The following EVC2 variants were observed in gnomAD, a reference collection of about 807,000 sequenced individuals.
The protein encoded by EVC2 is EvC ciliary complex subunit 2.
EVC2 carries 148 observed loss-of-function variants against 149.3 expected under a neutral mutation model. The ratio of observed to expected loss-of-function variants is 0.99; its 90% CI spans 0.87 to 1.14. The LOEUF (loss-of-function observed/expected upper bound fraction) is 1.14, where lower values mean the gene tolerates loss of function less well. Ranked by LOEUF, EVC2 falls within the 50% of genes most tolerant of loss-of-function variation. The pLI is 0.00. For synonymous variants in EVC2, 776 were observed against 649.9 expected, an observed-to-expected ratio of 1.19 and a Z score of -2.95; for missense variants, 1,854 against 1,627.3, an observed-to-expected ratio of 1.14 and a Z score of -2.40.
intron 1 of EVC2, among the ~76,000 whole-genome samples, chr4:5,699,762 G>A (rs747780745): frequency 2.6e-5 from 4 of 151,936 alleles, no homozygotes; most frequent in Admixed American, 2.6e-4. Context: ...GGTCGAGGCT[G>A]CAGTGAGCTA....
downstream of EVC2, among the ~76,000 whole-genome samples, chr4:5,558,120 A>C (rs1721872085): frequency 6.6e-6 from 1 of 152,220 alleles, no homozygotes. Flanking sequence ...ACAGTACTAA[A>C]GAAAAACAAA....
At chr4:5,591,918 C>G (rs1712840782) in intron 16 of EVC2, among the ~76,000 whole-genome samples, 1 of 152,166 alleles carries the variant, frequency 6.6e-6, no homozygotes, top group African/African-American at 2.4e-5. Context: ...CAACTTCTTA[C>G]TACTTTTCCC....
intron 15 of EVC2, among the ~76,000 whole-genome samples, chr4:5,616,347 T>C (rs1715249701): frequency 1.3e-5 from 2 of 152,192 alleles, no homozygotes; most frequent in African/African-American, 4.8e-5. Context: ...TGCACATCTC[T>C]TTAGAGTTTG....
At position 5,569,726 on chromosome 4, in the gene EVC2, G is replaced by A. The variant is rs1722533933; in HGVS notation, c.3361-1086C>T. 6.6e-6 allele frequency among the ~76,000 whole-genome samples: 1 copy of A among 152,108 alleles called. No individual in the cohort carries two copies. The highest frequency in any genetic ancestry group is 1.5e-5 in the Non-Finnish European group (1 of 68,020). On this transcript the variant is annotated intron_variant, in intron 19 of 21. Transcript: ENST00000344408. This position sits in a 1 kb window ranked among gnomAD's most constrained non-coding sequence, Gnocchi z 4.8. The stretch of plus-strand genomic sequence containing the variant: ...TTCAGAAGGGTGGGCTGGGGGTTCA[G>A]AGACCACAGAGAGGTCAGGAGACAC...
In EVC2 at chr4:5,677,243, G is replaced by A. The variant is rs963612238; in HGVS notation, c.870+4017C>T. Among the ~76,000 whole-genome samples, 2 of 152,150 alleles carry A rather than the reference G, an allele frequency of 1.3e-5. No individual in the cohort carries two copies. Among genetic ancestry groups the A allele is most frequent in the East Asian group, 1.9e-4 (1 of 5,182 alleles). On this transcript the variant is annotated intron_variant, in intron 7 of 21. Coordinates refer to ENST00000344408, the MANE Select transcript of EVC2 (RefSeq NM_147127.5). The surrounding 1 kb of genome is among the most constrained non-coding windows in gnomAD (Gnocchi z 4.3). ...CTCATTTCACAGTTGGGGAAACTGA[G>A]GCCCTCAGAGGTAAGTGACGTGCCC... is the stretch of plus-strand genomic sequence containing the variant.
At position 5,677,298 on chromosome 4, in the gene EVC2, G is replaced by A. The variant is rs1170740826; in HGVS notation, c.870+3962C>T. On this transcript the variant is annotated intron_variant, in intron 7 of 21. Coordinates refer to ENST00000344408, the MANE Select transcript of EVC2 (RefSeq NM_147127.5). This position sits in a 1 kb window ranked among gnomAD's most constrained non-coding sequence, Gnocchi z 4.3. ...TCACATGCAATCAGTGGAGGGACAG[G>A]GATTCAAAGCCAGGCCTTATGGTCC... Among the ~76,000 whole-genome samples, 3 of 152,160 alleles carry A rather than the reference G, an allele frequency of 2.0e-5. No individual in the cohort carries two copies. Among genetic ancestry groups the A allele is most frequent in the African/African-American group, 4.8e-5 (2 of 41,434 alleles).
intron 16 of EVC2, among the ~76,000 whole-genome samples, chr4:5,589,248 G>C (rs772870262): frequency 2.6e-5 from 4 of 152,180 alleles, no homozygotes; most frequent in Non-Finnish European, 5.9e-5. Flanking sequence ...CCATTGCCGA[G>C]GCAAGACCTT....
intron 16 of EVC2, among the ~76,000 whole-genome samples, chr4:5,601,279 C>G (rs1340452569): frequency 6.6e-6 from 1 of 151,652 alleles, no homozygotes; most frequent in Non-Finnish European, 1.5e-5. Flanking sequence ...AGTGAACATG[C>G]AGGAATTTAA....
intron 1 of EVC2, among the ~76,000 whole-genome samples, chr4:5,698,487 C>T (rs1395502082): frequency 1.3e-5 from 2 of 152,208 alleles, no homozygotes; most frequent in African/African-American, 4.8e-5. Context: ...TCTGCTCAGC[C>T]TCATTGGTGA....
chr4:5,671,326 C>T (rs1302358231), intron 7 of EVC2, among the ~76,000 whole-genome samples: 3 of 152,112 alleles, frequency 2.0e-5, no homozygotes, highest in Non-Finnish European at 4.4e-5. Flanking sequence ...AGGGTTTGTG[C>T]CCCTGTTAAC....
intron 16 of EVC2, among the ~76,000 whole-genome samples, chr4:5,593,960 G>C (rs187694803): frequency 1.3e-5 from 2 of 152,200 alleles, no homozygotes; most frequent in Admixed American, 6.5e-5. Context: ...ATGGAGTCTC[G>C]CTGATTGCTA....
At chr4:5,536,222 A>C in the EVC2 span, among the ~76,000 whole-genome samples, 1 of 152,170 alleles carries the variant, frequency 6.6e-6, no homozygotes, top group Non-Finnish European at 1.5e-5. Flanking sequence ...TTCTCTAAAA[A>C]ATGTGGGTAT....
chr4:5,543,077 C>T, exon 22 of EVC2: 1 of 1,205,110 alleles, frequency 8.3e-7, no homozygotes, highest in Non-Finnish European at 1.1e-6. Flanking sequence ...AACGATTGCA[C>T]TGCTCAGTCC....
At chr4:5,540,270 T>A (rs1721490430), downstream of EVC2, among the ~76,000 whole-genome samples, 1 of 152,240 alleles carries the variant, frequency 6.6e-6, no homozygotes, top group Non-Finnish European at 1.5e-5. Flanking sequence ...GAAAGCTGTT[T>A]GACAGATTCT....
At chr4:5,647,890 G>A (rs756008915) in intron 9 of EVC2, among the ~76,000 whole-genome samples, 53 of 152,220 alleles carry the variant, frequency 3.5e-4, no homozygotes, top group Non-Finnish European at 2.2e-4. Context: ...GCCCTGTGGC[G>A]AAGGAAGCCG....
the EVC2 span, among the ~76,000 whole-genome samples, chr4:5,531,800 T>C: frequency 6.6e-6 from 1 of 151,998 alleles, no homozygotes; most frequent in African/African-American, 2.4e-5. Context: ...AATGTAATAA[T>C]AATAGAAATA....
intron 7 of EVC2, among the ~76,000 whole-genome samples, chr4:5,673,639 A>G (rs1435915525): frequency 6.6e-6 from 1 of 152,186 alleles, no homozygotes; most frequent in African/African-American, 2.4e-5. Flanking sequence ...CTTTAATCAC[A>G]TATTAGCAGG....
chr4:5,541,416 A>G (rs3846230), downstream of EVC2, among the ~76,000 whole-genome samples: 68,398 of 152,090 alleles, frequency 0.45, 17,464 homozygotes, highest in East Asian at 0.9. Context: ...ATTTCAAAGA[A>G]CGGGGTCAGG....
chr4:5,671,804 C>G (rs564296669), intron 7 of EVC2, among the ~76,000 whole-genome samples: 12 of 152,354 alleles, frequency 7.9e-5, no homozygotes, highest in African/African-American at 2.9e-4. Flanking sequence ...GCCACTGCGC[C>G]TGGCCTCAAA....
Sources: gnomAD v4.1 joint callset for allele counts (sites outside exome capture counted in the v4.1 genomes callset) on GRCh38, gnomAD v4.1.1 for gene constraint, Gnocchi (gnomAD v3.1) non-coding constraint, MANE v1.5 for transcripts, NCBI Gene and HGNC (gene_info 2026-07-23, HGNC 2026-07-21) for gene names.